The following ME1 variants were observed in gnomAD, a reference collection of about 807,000 sequenced individuals.
ME1 encodes NADP-dependent malic enzyme.
Under a neutral mutation model 66.4 loss-of-function variants are expected in ME1, and 74 were observed. That is an observed-to-expected ratio of 1.11 (90% CI 0.92 to 1.35). The LOEUF is 1.35. Ranked by LOEUF, ME1 falls within the 40% of genes most tolerant of loss-of-function variation. The pLI is 0.00. For missense variants in ME1, 750 were observed against 694.1 expected (o/e 1.08, Z -0.90); for synonymous variants, 251 against 235.6 (o/e 1.07, Z -0.60).
chr6:83,315,801 G>T (rs914097348), intron 5 of ME1, among the ~76,000 whole-genome samples: 1 of 152,064 alleles, frequency 6.6e-6, no homozygotes, highest in Non-Finnish European at 1.5e-5. Flanking sequence ...GGAGCCTGAA[G>T]CAGAAGAATC....
intron 5 of ME1, among the ~76,000 whole-genome samples, chr6:83,345,886 C>T (rs187655372): frequency 2.0e-5 from 3 of 152,008 alleles, no homozygotes; most frequent in African/African-American, 7.2e-5. Flanking sequence ...ATTTTTAAAA[C>T]TATTGCCTTA....
At chr6:83,266,227 C>T (rs1168323044) in intron 6 of ME1, among the ~76,000 whole-genome samples, 2 of 152,148 alleles carry the variant, frequency 1.3e-5, no homozygotes, top group Admixed American at 6.5e-5. Flanking sequence ...TTAAAAAGGA[C>T]TTTGCATGTA....
At chr6:83,292,643 T>C (rs952216954) in intron 6 of ME1, among the ~76,000 whole-genome samples, 22 of 152,186 alleles carry the variant, frequency 1.4e-4, no homozygotes, top group Non-Finnish European at 2.2e-4. Context: ...GGGAGAACCA[T>C]TGCTGTCTTC....
At chr6:83,386,579 C>G (rs1294466950) in intron 3 of ME1, among the ~76,000 whole-genome samples, 3 of 151,862 alleles carry the variant, frequency 2.0e-5, no homozygotes, top group Non-Finnish European at 4.4e-5. Context: ...GGACCTAGGA[C>G]AGCAAGGCAT....
chr6:83,293,387 CTA>C (rs1767538814), intron 6 of ME1, among the ~76,000 whole-genome samples: 1 of 152,148 alleles, frequency 6.6e-6, no homozygotes, highest in Admixed American at 6.5e-5. Flanking sequence ...AACTGAAACT[CTA>C]TACTCATACT....
chr6:83,266,468 T>A (rs370106749), intron 6 of ME1, among the ~76,000 whole-genome samples: 1 of 151,800 alleles, frequency 6.6e-6, no homozygotes, highest in Non-Finnish European at 1.5e-5. Flanking sequence ...ATCAATAACA[T>A]GTCCTGAGTT....
Position 83,244,399 on chromosome 6 carries a change from A to G in ME1, c.815-4763T>C, listed in dbSNP as rs186782361. Among the ~76,000 whole-genome samples, 58 of 152,274 alleles carry G rather than the reference A, an allele frequency of 3.8e-4. No individual in the cohort carries two copies. The East Asian group carries it at 0.011, about 29-fold the overall frequency. Reference sequence around the variant, plus strand: ...ACACACCTTACTAGAATGCAAAGTGATATGAGGCTAGAGAAGTTTTGGGGT... The same window carrying G: ...ACACACCTTACTAGAATGCAAAGTGGTATGAGGCTAGAGAAGTTTTGGGGT... On this transcript the variant is annotated intron_variant, in intron 7 of 13. Coordinates refer to ENST00000369705, the MANE Select transcript of ME1 (RefSeq NM_002395.6).
intron 5 of ME1, among the ~76,000 whole-genome samples, chr6:83,320,875 T>C (rs990917607): frequency 6.6e-6 from 1 of 152,030 alleles, no homozygotes; most frequent in African/African-American, 2.4e-5. Flanking sequence ...GATGACCAAA[T>C]AGGAACAGCT....
chr6:83,216,591 T>A lies in ME1; in HGVS notation c.1455A>T (p.Ile485=), dbSNP rs750706574. The A allele has an allele frequency of 1.3e-6, 2 of 1,594,416 alleles. No homozygotes were observed. Among genetic ancestry groups the A allele is most frequent in the African/African-American group, 2.7e-5 (2 of 73,652 alleles). The change falls in exon 13 of 14, where the codon ATA becomes ATT. Residue 485 remains isoleucine (I), a synonymous_variant. Transcript: ENST00000369705. ...DNIFLTTAEV[I]AQQVSDKHLE... ...AGTGTTTATCTGACACTTGCTGAGC[T>A]ATAACCTTATGAAAAAAAGAAAGAA...
chr6:83,317,763 G>A (rs1768061879), intron 5 of ME1, among the ~76,000 whole-genome samples: 2 of 152,056 alleles, frequency 1.3e-5, no homozygotes, highest in African/African-American at 4.8e-5. Context: ...TCCCCATCAA[G>A]CTACCAATGC....
rs70987750 is a variant in ME1, at chr6:83,376,804, C to CAAAAAAAAAAAAAAAAAAAAAAAA, written c.362+21562_362+21563insTTTTTTTTTTTTTTTTTTTTTTTT. Among the ~76,000 whole-genome samples the CAAAAAAAAAAAAAAAAAAAAAAAA allele has an allele frequency of 1.4e-3, 120 of 86,942 alleles. 2 individuals are homozygous for CAAAAAAAAAAAAAAAAAAAAAAAA. The highest frequency in any genetic ancestry group is 2.2e-3 in the African/African-American group (57 of 25,580). The allele number at this position is 86,942 out of a possible 152,430, so 57.0% of individuals were successfully genotyped here. A position where few individuals can be genotyped will look rare whatever the true frequency, so the allele number is the denominator to read the frequency against. ...GGCGACAGAACCAGACCCTGTCTCACAAAAAAAAAAAAAAAATTCAAAAAA... is the reference window on the plus strand; with the variant it reads ...GGCGACAGAACCAGACCCTGTCTCACAAAAAAAAAAAAAAAAAAAAAAAAAAAAAAAAAAAAAAAATTCAAAAAA... On this transcript the variant is annotated intron_variant, in intron 3 of 13. Transcript: ENST00000369705.
chr6:83,283,494 T>C lies in ME1; in HGVS notation c.705-29756A>G, dbSNP rs554894672. Among the ~76,000 whole-genome samples, 4 of 151,890 alleles carry C rather than the reference T, an allele frequency of 2.6e-5. No homozygotes were observed. The East Asian group carries it at 7.8e-4, about 30-fold the overall frequency. ...CATCCAGAGCTTAAAATCTAGGTGA[T>C]AGGTTGATGGGTGCAGCAAACCACC... On this transcript the variant is annotated intron_variant, in intron 6 of 13. Transcript: ENST00000369705.
intron 5 of ME1, among the ~76,000 whole-genome samples, chr6:83,323,651 A>G (rs572385071): frequency 6.6e-6 from 1 of 152,350 alleles, no homozygotes; most frequent in African/African-American, 2.4e-5. Context: ...TCCTAAATAC[A>G]TATGCACCAA....
At chr6:83,224,336 C>T (rs1157363333) in intron 11 of ME1, among the ~76,000 whole-genome samples, 2 of 151,978 alleles carry the variant, frequency 1.3e-5, no homozygotes, top group South Asian at 2.1e-4. Context: ...GTTTAGGAAT[C>T]GACACATTTC....
At chr6:83,359,121 G>A (rs1768955916) in intron 3 of ME1, among the ~76,000 whole-genome samples, 1 of 151,198 alleles carries the variant, frequency 6.6e-6, no homozygotes, top group Admixed American at 6.6e-5. Context: ...TCCCAGACAG[G>A]GCAGGGGCTG....
At chr6:83,387,642 A>G (rs981556514) in intron 3 of ME1, among the ~76,000 whole-genome samples, 3 of 152,206 alleles carry the variant, frequency 2.0e-5, no homozygotes, top group Non-Finnish European at 4.4e-5. Context: ...TAAATAATGA[A>G]TACTCTACTT....
At chr6:83,283,763 A>G (rs931835570) in intron 6 of ME1, among the ~76,000 whole-genome samples, 1 of 152,176 alleles carries the variant, frequency 6.6e-6, no homozygotes. Context: ...AAATTTCCCT[A>G]ATCTTGCCAC....
chr6:83,277,189 G>C (rs1767197921), intron 6 of ME1, among the ~76,000 whole-genome samples: 1 of 152,118 alleles, frequency 6.6e-6, no homozygotes, highest in African/African-American at 2.4e-5. Flanking sequence ...AAACAAGCCT[G>C]GGTACTTACA....
chr6:83,302,682 T>C (rs1245529634), intron 6 of ME1, among the ~76,000 whole-genome samples: 1 of 152,156 alleles, frequency 6.6e-6, no homozygotes, highest in Non-Finnish European at 1.5e-5. Flanking sequence ...TTATGAAAGA[T>C]AAGCATGAAT....
Sources: allele counts gnomAD v4.1 joint callset (sites outside exome capture counted in the v4.1 genomes callset), GRCh38; gene constraint gnomAD v4.1.1; transcripts MANE v1.5; gene names NCBI Gene and HGNC (gene_info 2026-07-23, HGNC 2026-07-21).